SEPSECS: variants seen among roughly 807,000 people sequenced by gnomAD.
SEPSECS encodes Sep (O-phosphoserine) tRNA:Sec (selenocysteine) tRNA synthase, also known as O-phosphoseryl-tRNA(Sec) selenium transferase.
A neutral mutation model predicts 52.1 loss-of-function variants in SEPSECS; 42 were observed. That is an observed-to-expected ratio of 0.81 (90% CI 0.63 to 1.04). The LOEUF (loss-of-function observed/expected upper bound fraction) is 1.04. SEPSECS is among the 50% of genes least tolerant of loss of function. SEPSECS has a pLI of 0.00. For missense variants in SEPSECS, 590 were observed against 610.6 expected, an observed-to-expected ratio of 0.97 and a Z score of 0.36; for synonymous variants, 216 against 211.4, an observed-to-expected ratio of 1.02 and a Z score of -0.19.
intron 8 of SEPSECS, among the ~76,000 whole-genome samples, chr4:25,128,414 C>G (rs1728472428): frequency 1.3e-5 from 2 of 151,976 alleles, no homozygotes; most frequent in South Asian, 4.2e-4. Context: ...GAGTTCAACA[C>G]CAGCCTGGGT....
intron 6 of SEPSECS, among the ~76,000 whole-genome samples, chr4:25,151,027 G>A (rs926024156): frequency 6.6e-6 from 1 of 152,060 alleles, no homozygotes; most frequent in African/African-American, 2.4e-5. Context: ...AAGGAAGGGG[G>A]AGGTGTTAGA....
intron 8 of SEPSECS, among the ~76,000 whole-genome samples, chr4:25,133,101 C>T (rs1350469959): frequency 6.6e-6 from 1 of 152,094 alleles, no homozygotes; most frequent in African/African-American, 2.4e-5. Flanking sequence ...AAAATGTTAG[C>T]TCCCCACCCA....
chr4:25,132,905 C>T (rs1470763277), intron 8 of SEPSECS, among the ~76,000 whole-genome samples: 1 of 152,100 alleles, frequency 6.6e-6, no homozygotes, highest in African/African-American at 2.4e-5. Flanking sequence ...TCACACAGAC[C>T]TGGGTTTCAA....
intron 6 of SEPSECS, among the ~76,000 whole-genome samples, chr4:25,145,535 C>T (rs1419845878): frequency 1.3e-5 from 2 of 152,168 alleles, no homozygotes; most frequent in Admixed American, 6.5e-5. Flanking sequence ...CTCTGTGAGG[C>T]AAGCACGGTT....
intron 6 of SEPSECS, among the ~76,000 whole-genome samples, chr4:25,146,136 A>G (rs1711948958): frequency 1.3e-5 from 2 of 152,202 alleles, no homozygotes; most frequent in Non-Finnish European, 2.9e-5. Context: ...CAACTAACAT[A>G]GTCTTTTTCT....
At chr4:25,142,610 T>C (rs187250099) in intron 8 of SEPSECS, among the ~76,000 whole-genome samples, 1 of 152,326 alleles carries the variant, frequency 6.6e-6, no homozygotes, top group Admixed American at 6.5e-5. Flanking sequence ...AACTTTACCT[T>C]TGCATTTCCG....
intron 6 of SEPSECS, among the ~76,000 whole-genome samples, chr4:25,151,669 G>A (rs529337371): frequency 2.0e-4 from 30 of 152,182 alleles, no homozygotes; most frequent in Middle Eastern, 3.4e-3. Flanking sequence ...CAGTATATTA[G>A]AAAAATGAAA....
At position 25,122,102 on chromosome 4, in the gene SEPSECS, C is replaced by T. The variant is rs1728150371; in HGVS notation, c.*1829G>A. On this transcript the variant is annotated 3_prime_UTR_variant, in exon 11 of 11. Coordinates refer to ENST00000382103, the MANE Select transcript of SEPSECS (RefSeq NM_016955.4). Reference sequence around the variant, plus strand: ...CCCAAATTCTCATGAAAAATTTACACTTTTTAATCCAGCATTTATTCCCTT... The same window carrying T: ...CCCAAATTCTCATGAAAAATTTACATTTTTTAATCCAGCATTTATTCCCTT... 6.6e-6 allele frequency: 1 copy of T among 152,194 alleles called. No homozygotes were observed. The highest frequency in any genetic ancestry group is 2.1e-4 in the South Asian group (1 of 4,828). 9.4% of individuals were successfully genotyped at this position (152,194 alleles called of 1,614,324 possible).
chr4:25,130,123 G>C (rs767054355), intron 8 of SEPSECS, among the ~76,000 whole-genome samples: 3 of 152,116 alleles, frequency 2.0e-5, no homozygotes, highest in Admixed American at 6.5e-5. Flanking sequence ...TTATCCTCAA[G>C]CATATATTCA....
In SEPSECS at chr4:25,120,752, T is replaced by A. The variant is rs1254035942; in HGVS notation, c.*3179A>T. 4 of 152,204 alleles carry A rather than the reference T, an allele frequency of 2.6e-5. No individual in the cohort carries two copies. The highest frequency in any genetic ancestry group is 2.1e-4 in the South Asian group (1 of 4,834). 9.4% of individuals were successfully genotyped at this position (152,204 alleles called of 1,614,324 possible). ...GTATTCCAAAAACTTTCTCCGAGTA[T>A]GAGTCAGACTCACCAGAGCTTTATT... is the stretch of plus-strand genomic sequence containing the variant. On this transcript the variant is annotated 3_prime_UTR_variant, in exon 11 of 11. Transcript: ENST00000382103.
At chr4:25,152,306 T>C (rs1009545300) in intron 5 of SEPSECS, among the ~76,000 whole-genome samples, 1 of 151,912 alleles carries the variant, frequency 6.6e-6, no homozygotes, top group Admixed American at 6.6e-5. Context: ...ACAAAAAAAA[T>C]ACAAAAATTT....
Position 25,127,266 on chromosome 4 carries a change from A to G in SEPSECS, c.1118T>C (p.Leu373Ser), listed in dbSNP as rs772180060. Residue 373 changes from leucine to serine, a missense_variant and splice_region_variant, in exon 9 of 11, where the codon TTA (leucine) becomes TCA (serine). Coordinates refer to ENST00000382103, the MANE Select transcript of SEPSECS (RefSeq NM_016955.4). Reference protein sequence around the residue: ...LLHTPHNPISLAMTLKTLDEH... With the variant: ...LLHTPHNPISSAMTLKTLDEH... ...TTCTTTAGGAAAAAAGAAATTACCT[A>G]AAGATATGGGATTGTGAGGTGTATG... 4 of 1,603,228 alleles carry G rather than the reference A, an allele frequency of 2.5e-6. No individual in the cohort carries two copies. Among genetic ancestry groups the G allele is most frequent in the African/African-American group, 1.3e-5 (1 of 74,702 alleles).
chr4:25,145,010 A>G lies in SEPSECS; in HGVS notation c.928T>C (p.Tyr310His), dbSNP rs1209865525. 2 of 1,613,864 alleles carry G rather than the reference A, an allele frequency of 1.2e-6. No homozygotes were observed. Among genetic ancestry groups the G allele is most frequent in the African/African-American group, 1.3e-5 (1 of 74,918 alleles). ...DSFIQEISKMYPGRASASPSL... is the reference protein window; with the variant it reads ...DSFIQEISKMHPGRASASPSL... ...AAGCAACTTATTTATTTACCTGGAT[A>G]CATCTTGCTGATTTCCTGAATGAAT... is the stretch of plus-strand genomic sequence containing the variant. The change falls in exon 7 of 11, where the codon TAT becomes CAT. Residue 310 changes from tyrosine to histidine, a missense_variant. Coordinates refer to ENST00000382103, the MANE Select transcript of SEPSECS (RefSeq NM_016955.4).
chr4:25,145,168 G>C, intron 6 of SEPSECS, 35 bp from the exon 7 acceptor site: 2 of 1,610,012 alleles, frequency 1.2e-6, no homozygotes, highest in Non-Finnish European at 1.7e-6. Flanking sequence ...TTAGTTGCTA[G>C]GAAAACAGAC....
intron 8 of SEPSECS, among the ~76,000 whole-genome samples, chr4:25,133,851 A>G (rs1261813809): frequency 6.6e-6 from 1 of 152,028 alleles, no homozygotes; most frequent in Non-Finnish European, 1.5e-5. Context: ...GCAGTAGCTT[A>G]TGCCTGTATC....
chr4:25,138,644 T>C (rs1461283877), intron 8 of SEPSECS, among the ~76,000 whole-genome samples: 1 of 152,134 alleles, frequency 6.6e-6, no homozygotes, highest in African/African-American at 2.4e-5. Context: ...TTTGGGATAT[T>C]TATGCATTTC....
chr4:25,142,816 C>T (rs1262631566), intron 8 of SEPSECS, among the ~76,000 whole-genome samples: 2 of 152,188 alleles, frequency 1.3e-5, no homozygotes, highest in African/African-American at 4.8e-5. Flanking sequence ...AAATTACAGG[C>T]CAGTTCCCAT....
At chr4:25,144,677 C>T in intron 8 of SEPSECS, 97 bp downstream of exon 8, 1 of 856,032 alleles carries the variant, frequency 1.2e-6, no homozygotes, top group Non-Finnish European at 2.0e-6. Context: ...CTAGATGTCT[C>T]CCTCCCAGTG....
intron 6 of SEPSECS, among the ~76,000 whole-genome samples, chr4:25,146,528 C>T (rs1711976099): frequency 6.6e-6 from 1 of 152,170 alleles, no homozygotes; most frequent in Admixed American, 6.5e-5. Context: ...AGTGGACAGT[C>T]AGAGTTGCCT....
Sources: gnomAD v4.1 joint callset for allele counts (sites outside exome capture counted in the v4.1 genomes callset) on GRCh38, gnomAD v4.1.1 for gene constraint, MANE v1.5 for transcripts, NCBI Gene and HGNC (gene_info 2026-07-23, HGNC 2026-07-21) for gene names.